The following PCDHGA2 variants were observed in gnomAD, a reference collection of about 807,000 sequenced individuals.
PCDHGA2 encodes the protein protocadherin gamma subfamily A, 2.
Under a neutral mutation model 59.2 loss-of-function variants are expected in PCDHGA2, and 40 were observed. That is an observed-to-expected ratio of 0.68 (90% CI 0.52 to 0.88). PCDHGA2 has a LOEUF of 0.88. Ranked by LOEUF, PCDHGA2 falls within the 40% of genes least tolerant of loss-of-function variation. The probability of loss-of-function intolerance (pLI) is 0.00; values close to 1 mark genes in which losing one functional copy is unlikely to be tolerated. For synonymous variants in PCDHGA2, 560 were observed against 526.0 expected, an observed-to-expected ratio of 1.06 and a Z score of -0.89; for missense variants, 1,226 against 1,204.0, an observed-to-expected ratio of 1.02 and a Z score of -0.27.
chr5:141,427,320 G>A (rs920149276), intron 1 of PCDHGA2: 5 of 456,968 alleles, frequency 1.1e-5, no homozygotes, highest in Non-Finnish European at 1.8e-5. Context: ...CCCAGACGTG[G>A]TTTTTACTTC....
intron 2 of PCDHGA2, among the ~76,000 whole-genome samples, chr5:141,495,107 AC>A (rs1422274779): frequency 1.3e-5 from 2 of 152,048 alleles, no homozygotes; most frequent in Non-Finnish European, 2.9e-5. Context: ...CACGACCGGC[AC>A]CTTTTCCTAT....
intron 1 of PCDHGA2, chr5:141,421,621 C>T (rs2154549322): frequency 6.2e-7 from 1 of 1,613,772 alleles, no homozygotes; most frequent in Non-Finnish European, 8.5e-7. Flanking sequence ...TGATAACGCC[C>T]CCAGCTTCCA....
At chr5:141,352,573 T>TC in intron 1 of PCDHGA2, 1 of 1,613,874 alleles carries the variant, frequency 6.2e-7, no homozygotes, top group Non-Finnish European at 8.5e-7. Context: ...CGGAAATGGC[T>TC]CCCCCTCAGG....
At chr5:141,344,157 G>A (rs928955650) in intron 1 of PCDHGA2, 2 of 1,614,056 alleles carry the variant, frequency 1.2e-6, no homozygotes, top group Non-Finnish European at 1.7e-6. Context: ...GCTAGATAAA[G>A]GTTCCTTCGT....
chr5:141,345,513 G>A lies in PCDHGA2; in HGVS notation c.2424+4118G>A, dbSNP rs758033061. ...CCGCATCACTTATGCATTGACCGAG[G>A]ACACTCTCCAGGGGGCGCCCCTGTC... On this transcript the variant is annotated intron_variant, in intron 1 of 3. Coordinates refer to ENST00000394576, the MANE Select transcript of PCDHGA2 (RefSeq NM_018915.4). The A allele has an allele frequency of 2.5e-6, 4 of 1,614,088 alleles. No homozygotes were observed. The South Asian group carries it at 4.4e-5, about 18-fold the overall frequency.
At chr5:141,497,284 A>G (rs1486878285) in intron 2 of PCDHGA2, among the ~76,000 whole-genome samples, 1 of 152,104 alleles carries the variant, frequency 6.6e-6, no homozygotes, top group South Asian at 2.1e-4. Context: ...TGTTCCCTCT[A>G]CCTACCACCA....
At chr5:141,423,632 T>G in intron 1 of PCDHGA2, 1 of 1,602,602 alleles carries the variant, frequency 6.2e-7, no homozygotes, top group Non-Finnish European at 8.5e-7. Flanking sequence ...GCTATCATTT[T>G]AGGCAAATGT....
chr5:141,412,805 A>G (rs2095578499), intron 1 of PCDHGA2, among the ~76,000 whole-genome samples: 1 of 152,246 alleles, frequency 6.6e-6, no homozygotes, highest in Non-Finnish European at 1.5e-5. Context: ...ACCTCCCCTA[A>G]GAAACCTACA....
intron 1 of PCDHGA2, among the ~76,000 whole-genome samples, chr5:141,358,521 A>G (rs1448511689): frequency 6.6e-6 from 1 of 152,234 alleles, no homozygotes; most frequent in Non-Finnish European, 1.5e-5. Context: ...ATGAACTGGT[A>G]TATTTCAAAT....
rs922592733 is a variant in PCDHGA2 at position 141,487,979 on chromosome 5, C to T, written c.2425-6828C>T. Among the ~76,000 whole-genome samples the T allele has an allele frequency of 1.3e-5, 2 of 152,178 alleles. No individual in the cohort carries two copies. Among genetic ancestry groups the T allele is most frequent in the African/African-American group, 4.8e-5 (2 of 41,442 alleles). The stretch of plus-strand genomic sequence containing the variant: ...TGGACAAAGGTGGCTGTTTTCTCTA[C>T]TCTTCCTGAAAGAGGGGATCAGATT... On this transcript the variant is annotated intron_variant, in intron 1 of 3. Coordinates refer to ENST00000394576, the MANE Select transcript of PCDHGA2 (RefSeq NM_018915.4). The surrounding 1 kb of genome is among the most constrained non-coding windows in gnomAD (Gnocchi z 5.0).
chr5:141,388,226 G>A, intron 1 of PCDHGA2: 1 of 1,605,056 alleles, frequency 6.2e-7, no homozygotes, highest in Non-Finnish European at 8.5e-7. Flanking sequence ...AAAATCCACT[G>A]AACTTTTATC....
At chr5:141,416,010 A>T (rs968655183) in intron 1 of PCDHGA2, 5 of 245,908 alleles carry the variant, frequency 2.0e-5, no homozygotes, top group Non-Finnish European at 3.0e-5. Flanking sequence ...TGGTAAGAAT[A>T]GGTAAGTATC....
chr5:141,507,097 A>G (rs1343795018), intron 3 of PCDHGA2: 1 of 152,082 alleles, frequency 6.6e-6, no homozygotes, highest in African/African-American at 2.4e-5. Flanking sequence ...TGCTCTTTCT[A>G]CTATAGGGAC....
At position 141,433,069 on chromosome 5, in the gene PCDHGA2, C is replaced by G. The variant is rs561950316; in HGVS notation, c.2425-61738C>G. The G allele has an allele frequency of 3.1e-6, 5 of 1,614,200 alleles. No homozygotes were observed. In the Admixed American group the frequency reaches 8.3e-5, roughly 27 times the overall value. Reference sequence around the variant, plus strand: ...ACTCGCGGAAGAGTCACCTGATCTTCCCCCAGCCCAACTATGCAGACATGC... The same window carrying G: ...ACTCGCGGAAGAGTCACCTGATCTTGCCCCAGCCCAACTATGCAGACATGC... On this transcript the variant is annotated intron_variant, in intron 1 of 3. Coordinates refer to ENST00000394576, the MANE Select transcript of PCDHGA2 (RefSeq NM_018915.4).
intron 1 of PCDHGA2, chr5:141,399,784 G>A: frequency 6.2e-7 from 1 of 1,613,288 alleles, no homozygotes; most frequent in Non-Finnish European, 8.5e-7. Context: ...CGACCGAAAC[G>A]ACAACGCACC....
chr5:141,393,086 T>C (rs533530561), intron 1 of PCDHGA2: 1 of 1,613,614 alleles, frequency 6.2e-7, no homozygotes, highest in Non-Finnish European at 8.5e-7. Flanking sequence ...GCAGGATAGA[T>C]CGGGAGGAGC....
At chr5:141,359,119 G>T (rs1761122715) in intron 1 of PCDHGA2, among the ~76,000 whole-genome samples, 1 of 152,182 alleles carries the variant, frequency 6.6e-6, no homozygotes, top group Non-Finnish European at 1.5e-5. Flanking sequence ...GAAAGTTGTG[G>T]TGCAATACAT....
At chr5:141,423,920 G>A (rs2096790804) in intron 1 of PCDHGA2, 2 of 1,258,728 alleles carry the variant, frequency 1.6e-6, no homozygotes, top group African/African-American at 1.6e-5. Flanking sequence ...ATTCAACTAT[G>A]CTGGTTTGGT....
chr5:141,365,077 G>C (rs1048742374), intron 1 of PCDHGA2: 1 of 1,613,842 alleles, frequency 6.2e-7, no homozygotes. Context: ...AGTACAGCGT[G>C]AGTGTTCCAG....
Sources: gnomAD v4.1 joint callset for allele counts (sites outside exome capture counted in the v4.1 genomes callset) on GRCh38, gnomAD v4.1.1 for gene constraint, Gnocchi (gnomAD v3.1) non-coding constraint, MANE v1.5 for transcripts, NCBI Gene and HGNC (gene_info 2026-07-23, HGNC 2026-07-21) for gene names.